Variants in PHF12 observed in about 807,000 individuals in gnomAD.
The protein encoded by PHF12 is PHD factor 1.
A neutral mutation model predicts 99.8 loss-of-function variants in PHF12; 6 were observed. That is an observed-to-expected ratio of 0.06 (90% CI 0.03 to 0.12). PHF12 has a LOEUF of 0.12. PHF12 is among the 10% of genes least tolerant of loss of function. PHF12 has a pLI of 1.00. For missense variants in PHF12, 954 were observed against 1,300.1 expected, an observed-to-expected ratio of 0.73 and a Z score of 4.09; for synonymous variants, 480 against 514.9, an observed-to-expected ratio of 0.93 and a Z score of 0.92.
chr17:28,935,137 T>C (rs1174035252), intron 2 of PHF12, among the ~76,000 whole-genome samples: 1 of 152,254 alleles, frequency 6.6e-6, no homozygotes, highest in Non-Finnish European at 1.5e-5. Flanking sequence ...GACAGAGCTC[T>C]TGCAGAGTAT....
Position 28,906,730 on chromosome 17 carries a change from G to A in PHF12, c.2680+126C>T. On this transcript the variant is annotated intron_variant, in intron 14 of 14. Transcript: ENST00000332830. This position sits in a 1 kb window ranked among gnomAD's most constrained non-coding sequence, Gnocchi z 4.2. Reference sequence around the variant, plus strand: ...ACTTGCTTCTCTGTGGCCTGCCCTGGGCCCACGAGGAAGTAGAGCTTGGCC... The same window carrying A: ...ACTTGCTTCTCTGTGGCCTGCCCTGAGCCCACGAGGAAGTAGAGCTTGGCC... 7.1e-7 allele frequency: 1 copy of A among 1,413,816 alleles called. No individual in the cohort carries two copies. Among genetic ancestry groups the A allele is most frequent in the Non-Finnish European group, 9.5e-7 (1 of 1,047,622 alleles). The allele number at this position is 1,413,816 out of a possible 1,614,324, so 87.6% of individuals were successfully genotyped here.
Position 28,905,991 on chromosome 17 carries a change from G to A in PHF12, c.*192C>T, listed in dbSNP as rs1567945186. On this transcript the variant is annotated 3_prime_UTR_variant, in exon 15 of 15. Transcript: ENST00000332830. Reference sequence around the variant, plus strand: ...GTTGAGTACAAATATATGTGCAAATGCCCCCTAGAACTTGAGAAAAGAAAA... The same window carrying A: ...GTTGAGTACAAATATATGTGCAAATACCCCCTAGAACTTGAGAAAAGAAAA... The A allele has an allele frequency of 6.8e-6, 4 of 588,052 alleles. No individual in the cohort carries two copies. Among genetic ancestry groups the A allele is most frequent in the African/African-American group, 1.9e-5 (1 of 53,192 alleles). 36.4% of individuals were successfully genotyped at this position (588,052 alleles called of 1,614,324 possible).
chr17:28,927,174 A>G, intron 2 of PHF12, 111 bp from the exon 3 acceptor site: 1 of 940,388 alleles, frequency 1.1e-6, no homozygotes, highest in Non-Finnish European at 1.6e-6. Context: ...GTCCTGCAGG[A>G]CTGCTAGGGT....
intron 10 of PHF12, 139 bp downstream of exon 10, chr17:28,910,973 A>C (rs1230753895): frequency 1.8e-5 from 18 of 1,016,018 alleles, no homozygotes; most frequent in Non-Finnish European, 2.0e-5. Flanking sequence ...ATCCAAAAGG[A>C]TACTCCTCAT....
intron 5 of PHF12, among the ~76,000 whole-genome samples, chr17:28,920,808 G>A (rs771671008): frequency 6.6e-5 from 10 of 152,144 alleles, no homozygotes; most frequent in Admixed American, 2.0e-4. Context: ...TGATCTGCCC[G>A]CCTCGGCCTC....
Position 28,905,426 on chromosome 17 carries a change from T to C in PHF12, c.*757A>G, listed in dbSNP as rs888125933. 3 of 152,304 alleles carry C rather than the reference T, an allele frequency of 2.0e-5. No individual in the cohort carries two copies. Among genetic ancestry groups the C allele is most frequent in the Non-Finnish European group, 2.9e-5 (2 of 67,994 alleles). 9.4% of individuals were successfully genotyped at this position (152,304 alleles called of 1,614,324 possible). A position where few individuals can be genotyped will look rare whatever the true frequency, so the allele number is the denominator to read the frequency against. On this transcript the variant is annotated 3_prime_UTR_variant, in exon 15 of 15. Coordinates refer to ENST00000332830, the MANE Select transcript of PHF12 (RefSeq NM_001033561.2). ...GAACAAAAAAAGGAGACAAAACAGG[T>C]TTACGACAAAAACATTTTTGCTACA...
At chr17:28,938,862 G>T (rs1390636025) in intron 2 of PHF12, among the ~76,000 whole-genome samples, 1 of 152,114 alleles carries the variant, frequency 6.6e-6, no homozygotes, top group Non-Finnish European at 1.5e-5. Flanking sequence ...ACCTATTTAT[G>T]AGTTGAACAT....
At chr17:28,917,150 T>G in intron 7 of PHF12, 135 bp downstream of exon 7, 1 of 1,168,626 alleles carries the variant, frequency 8.6e-7, no homozygotes, top group Non-Finnish European at 1.2e-6. Flanking sequence ...AAGGTCACAC[T>G]CATTACTCAC....
In PHF12 at chr17:28,950,906, C is replaced by T. The variant is rs750443795; in HGVS notation, c.55G>A (p.Gly19Arg). ...AGGGCCACTCTTACCTCCATCAGCC[C>T]CCCTGATGTGTCCAAGTCGTACACG... The part of the protein sequence containing the change: ...TIVYDLDTSG[G>R]LMEQIQALLA... Residue 19 changes from glycine (G) to arginine (R), a missense_variant, in exon 1 of 15, where the codon GGG becomes AGG. Around this residue, in one of 8 missense-constraint regions of PHF12, gnomAD observed 66 missense variants for 69.4 expected, o/e 0.95. Coordinates refer to ENST00000332830, the MANE Select transcript of PHF12 (RefSeq NM_001033561.2). This position sits in a 1 kb window ranked among gnomAD's most constrained non-coding sequence, Gnocchi z 5.7. The T allele has an allele frequency of 6.2e-7, 1 of 1,613,894 alleles. No homozygotes were observed. Among genetic ancestry groups the T allele is most frequent in the South Asian group, 1.1e-5 (1 of 91,056 alleles).
chr17:28,908,611 T>C (rs903315768), intron 12 of PHF12, 172 bp downstream of exon 12: 8 of 655,018 alleles, frequency 1.2e-5, no homozygotes, highest in Middle Eastern at 4.2e-4. Context: ...TGAGCCACCG[T>C]GACTGGCTGA....
chr17:28,951,208 C>T lies in PHF12; in HGVS notation c.-248G>A, dbSNP rs2040805659. 1.8e-5 allele frequency: 24 copies of T among 1,369,670 alleles called. No homozygotes were observed. The highest frequency in any genetic ancestry group is 2.3e-5 in the Non-Finnish European group (24 of 1,063,088). The allele number at this position is 1,369,670 out of a possible 1,614,324, so 84.8% of individuals were successfully genotyped here. A position where few individuals can be genotyped will look rare whatever the true frequency, so the allele number is the denominator to read the frequency against. ...CCCGGCTGCTGGCTGCACAGTGGGTCCCGGCTCCGGGGGTCAGGCCTCGGC... is the reference window on the plus strand; with the variant it reads ...CCCGGCTGCTGGCTGCACAGTGGGTTCCGGCTCCGGGGGTCAGGCCTCGGC... On this transcript the variant is annotated 5_prime_UTR_variant, in exon 1 of 15. Coordinates refer to ENST00000332830, the MANE Select transcript of PHF12 (RefSeq NM_001033561.2).
chr17:28,934,952 G>A (rs1333755670), intron 2 of PHF12, among the ~76,000 whole-genome samples: 2 of 152,202 alleles, frequency 1.3e-5, no homozygotes, highest in Non-Finnish European at 2.9e-5. Flanking sequence ...TTGGGATGGT[G>A]AGCTCTGGAA....
chr17:28,912,703 C>T lies in PHF12; in HGVS notation c.1868G>A (p.Ser623Asn), dbSNP rs2039984174. ...AGAGCTGGGAATGGAAGGGGGCAGGCTTGGGACAGGAACCAAACTCCTCTG... is the reference window on the plus strand; with the variant it reads ...AGAGCTGGGAATGGAAGGGGGCAGGTTTGGGACAGGAACCAAACTCCTCTG... ...CPQRSLVPVPSLPPSIPSSCA... is the reference protein window; with the variant it reads ...CPQRSLVPVPNLPPSIPSSCA... The change falls in exon 9 of 15, where the codon AGC becomes AAC. Residue 623 changes from serine (S) to asparagine (N), a missense_variant. Physicochemically the swap from Ser to Asn is conservative, Grantham distance 46. Around this residue, in one of 8 missense-constraint regions of PHF12, gnomAD observed 392 missense variants for 423.1 expected, o/e 0.93. Coordinates refer to ENST00000332830, the MANE Select transcript of PHF12 (RefSeq NM_001033561.2). 2 of 1,614,212 alleles carry T rather than the reference C, an allele frequency of 1.2e-6. No individual in the cohort carries two copies. The highest frequency in any genetic ancestry group is 3.3e-5 in the Admixed American group (2 of 60,024).
At chr17:28,923,549 T>C (rs774624721) in intron 4 of PHF12, among the ~76,000 whole-genome samples, 7 of 147,224 alleles carry the variant, frequency 4.8e-5, no homozygotes, top group Non-Finnish European at 1.0e-4. Flanking sequence ...TCCCAGCTAC[T>C]TGGAAGGCTG....
rs1329357608 is a variant in PHF12 at position 28,950,529 on chromosome 17, T to C, written c.67-283A>G. Reference sequence around the variant, plus strand: ...GTTCCCTTCTTGCCACTTCCTTGTATGGACAGTGGGGGACTCCAAAGACCC... The same window carrying C: ...GTTCCCTTCTTGCCACTTCCTTGTACGGACAGTGGGGGACTCCAAAGACCC... On this transcript the variant is annotated intron_variant, in intron 1 of 14. Coordinates refer to ENST00000332830, the MANE Select transcript of PHF12 (RefSeq NM_001033561.2). This position sits in a 1 kb window ranked among gnomAD's most constrained non-coding sequence, Gnocchi z 5.7. 1 of 546,194 alleles carries C rather than the reference T, an allele frequency of 1.8e-6. No homozygotes were observed. The highest frequency in any genetic ancestry group is 1.9e-5 in the African/African-American group (1 of 52,472). 33.8% of individuals were successfully genotyped at this position (546,194 alleles called of 1,614,324 possible).
chr17:28,949,845 C>T lies in PHF12; in HGVS notation c.248+220G>A. ...CATATGGGGTTCTCTTCACTCGTCC[C>T]AACCCCCACCTCGGGGTCCGGACCC... On this transcript the variant is annotated intron_variant, in intron 2 of 14. Transcript: ENST00000332830. The surrounding 1 kb of genome is among the most constrained non-coding windows in gnomAD (Gnocchi z 4.6). 1.8e-6 allele frequency: 1 copy of T among 556,560 alleles called. No homozygotes were observed. Among genetic ancestry groups the T allele is most frequent in the Non-Finnish European group, 3.2e-6 (1 of 316,114 alleles). 34.5% of individuals were successfully genotyped at this position (556,560 alleles called of 1,614,324 possible). A position where few individuals can be genotyped will look rare whatever the true frequency, so the allele number is the denominator to read the frequency against.
Position 28,950,626 on chromosome 17 carries a change from T to TGG in PHF12, c.66+267_66+268dup. On this transcript the variant is annotated intron_variant, in intron 1 of 14. Transcript: ENST00000332830. This position sits in a 1 kb window ranked among gnomAD's most constrained non-coding sequence, Gnocchi z 5.7. ...CACAAAGGGGCCAACAAGAAGGGGGTGGGGAGGCCTGCCGGTGCAACGAGA... is the reference window on the plus strand; with the variant it reads ...CACAAAGGGGCCAACAAGAAGGGGGTGGGGGGAGGCCTGCCGGTGCAACGAGA... 1.9e-6 allele frequency: 1 copy of TGG among 515,260 alleles called. No individual in the cohort carries two copies. The highest frequency in any genetic ancestry group is 3.4e-6 in the Non-Finnish European group (1 of 296,678). The allele number at this position is 515,260 out of a possible 1,614,324, so 31.9% of individuals were successfully genotyped here.
At position 28,950,716 on chromosome 17, in the gene PHF12, GT is replaced by G. The variant is rs1219526350; in HGVS notation, c.66+178del. ...GCGGGTAGGTGAAACTGCTGCAAAC[GT>G]CCTCGGAGGCTGAGCTCAGCCCCCT... is the stretch of plus-strand genomic sequence containing the variant. On this transcript the variant is annotated intron_variant, in intron 1 of 14. Coordinates refer to ENST00000332830, the MANE Select transcript of PHF12 (RefSeq NM_001033561.2). This position sits in a 1 kb window ranked among gnomAD's most constrained non-coding sequence, Gnocchi z 5.7. 1 of 872,530 alleles carries G rather than the reference GT, an allele frequency of 1.1e-6. No homozygotes were observed. Among genetic ancestry groups the G allele is most frequent in the African/African-American group, 1.8e-5 (1 of 57,142 alleles). The allele number at this position is 872,530 out of a possible 1,614,324, so 54.0% of individuals were successfully genotyped here.
Position 28,951,117 on chromosome 17 carries a change from C to T in PHF12, c.-157G>A. The T allele has an allele frequency of 6.9e-7, 1 of 1,452,568 alleles. No homozygotes were observed. The highest frequency in any genetic ancestry group is 9.1e-7 in the Non-Finnish European group (1 of 1,104,596). The allele number at this position is 1,452,568 out of a possible 1,614,324, so 90.0% of individuals were successfully genotyped here. ...CCTGGCTCCCCCCCACCCCCCGGCC[C>T]CCAGTCCCCGGGACGACAGCGTCCT... On this transcript the variant is annotated 5_prime_UTR_variant, in exon 1 of 15. Transcript: ENST00000332830.
Sources: gnomAD v4.1 joint callset for allele counts (sites outside exome capture counted in the v4.1 genomes callset) on GRCh38, gnomAD v4.1.1 for gene constraint, gnomAD v4.1.1 regional missense constraint, Gnocchi (gnomAD v3.1) non-coding constraint, MANE v1.5 for transcripts, NCBI Gene and HGNC (gene_info 2026-07-23, HGNC 2026-07-21) for gene names.